RASSF8: variants seen among roughly 807,000 people sequenced by gnomAD.
RASSF8 encodes the protein ras association domain-containing protein 8.
In RASSF8, 22 loss-of-function variants were observed where a neutral mutation model predicts 48.5. That is an observed-to-expected ratio of 0.45 (90% CI 0.32 to 0.65). The LOEUF is 0.65. Among genes scored for constraint, RASSF8 ranks in the 30% least tolerant of loss-of-function variants. RASSF8 has a pLI of 0.03. For missense variants in RASSF8, 418 were observed against 489.2 expected (o/e 0.85, Z 1.37); for synonymous variants, 127 against 171.5 (o/e 0.74, Z 2.03).
Position 26,068,847 on chromosome 12 carries a change from A to G in RASSF8, c.*29A>G. The G allele has an allele frequency of 1.3e-6, 2 of 1,535,628 alleles. No individual in the cohort carries two copies. The highest frequency in any genetic ancestry group is 2.0e-5 in the Admixed American group (1 of 50,930). On this transcript the variant is annotated 3_prime_UTR_variant, in exon 6 of 6. Coordinates refer to ENST00000689635, the MANE Select transcript of RASSF8 (RefSeq NM_001394098.1). ...TATCTGTCTTTAGGGAGGAGACCCA[A>G]CAGAGGTACCAAGGACAGTAAACTT...
At chr12:26,058,331 A>T (rs1004811677) in intron 3 of RASSF8, among the ~76,000 whole-genome samples, 2 of 152,208 alleles carry the variant, frequency 1.3e-5, no homozygotes, top group Non-Finnish European at 2.9e-5. Context: ...TAATTAGAGA[A>T]AATTGCTGCT....
Position 26,056,837 on chromosome 12 carries a change from G to T in RASSF8, c.103+1391G>T, listed in dbSNP as rs149519925. Reference sequence around the variant, plus strand: ...AATTATTAAAGAGGAGAAAATTAAGGCATTTAATTTTTTCATATTCTTTCT... The same window carrying T: ...AATTATTAAAGAGGAGAAAATTAAGTCATTTAATTTTTTCATATTCTTTCT... On this transcript the variant is annotated intron_variant, in intron 3 of 5. Coordinates refer to ENST00000689635, the MANE Select transcript of RASSF8 (RefSeq NM_001394098.1). Among the ~76,000 whole-genome samples the T allele has an allele frequency of 7.2e-5, 11 of 152,176 alleles. No homozygotes were observed. In the East Asian group the frequency reaches 1.2e-3, roughly 16 times the overall value.
chr12:25,974,297 C>T (rs2048608), intron 1 of RASSF8, among the ~76,000 whole-genome samples: 9,821 of 151,958 alleles, frequency 0.065, 420 homozygotes, highest in Non-Finnish European at 0.09. Context: ...AGCCAATACG[C>T]GAGAAGTGCC....
At chr12:25,979,363 G>A (rs1233242009) in intron 1 of RASSF8, among the ~76,000 whole-genome samples, 2 of 152,112 alleles carry the variant, frequency 1.3e-5, no homozygotes, top group African/African-American at 4.8e-5. Flanking sequence ...GAGTTGGCCA[G>A]CAGTATCAAA....
intron 2 of RASSF8, among the ~76,000 whole-genome samples, chr12:26,049,060 CCTT>C (rs1943435267): frequency 6.6e-6 from 1 of 152,084 alleles, no homozygotes; most frequent in African/African-American, 2.4e-5. Flanking sequence ...GCCCAGCCCT[CCTT>C]CATCTTTTTT....
At chr12:25,989,137 C>G (rs1242816330) in intron 1 of RASSF8, among the ~76,000 whole-genome samples, 1 of 152,264 alleles carries the variant, frequency 6.6e-6, no homozygotes, top group East Asian at 1.9e-4. Flanking sequence ...AGGTTTCTTT[C>G]CCTCCCAACA....
At chr12:26,052,207 A>G (rs572220810) in intron 2 of RASSF8, among the ~76,000 whole-genome samples, 1 of 152,370 alleles carries the variant, frequency 6.6e-6, no homozygotes, top group South Asian at 2.1e-4. Flanking sequence ...GGTAGGTTTC[A>G]CAAATATGGA....
At chr12:26,044,412 T>G (rs1263594850) in intron 2 of RASSF8, among the ~76,000 whole-genome samples, 1 of 152,112 alleles carries the variant, frequency 6.6e-6, no homozygotes, top group Non-Finnish European at 1.5e-5. Context: ...AAAACTAGGG[T>G]TTTTCCCTCC....
intron 2 of RASSF8, among the ~76,000 whole-genome samples, chr12:26,015,525 T>C (rs998271282): frequency 6.6e-6 from 1 of 152,174 alleles, no homozygotes; most frequent in African/African-American, 2.4e-5. Context: ...AGCAAAGAGA[T>C]TGAGGTGAAA....
At chr12:25,967,592 C>T (rs145606423) in intron 1 of RASSF8, among the ~76,000 whole-genome samples, 22 of 152,206 alleles carry the variant, frequency 1.4e-4, no homozygotes, top group African/African-American at 4.8e-4. Context: ...TGAGCCTTAT[C>T]GAGCCTCAAG....
chr12:26,023,659 A>T (rs1025863092), intron 2 of RASSF8, among the ~76,000 whole-genome samples: 2 of 152,052 alleles, frequency 1.3e-5, no homozygotes, highest in African/African-American at 4.8e-5. Flanking sequence ...AATCCGCATT[A>T]AAAACAAAAA....
chr12:25,978,121 C>T (rs1414667121), intron 1 of RASSF8, among the ~76,000 whole-genome samples: 4 of 152,106 alleles, frequency 2.6e-5, no homozygotes, highest in Non-Finnish European at 5.9e-5. Context: ...TCAGTCCTGT[C>T]GTGGAAACAA....
At chr12:26,057,383 T>C (rs977724417) in intron 3 of RASSF8, among the ~76,000 whole-genome samples, 9 of 152,186 alleles carry the variant, frequency 5.9e-5, no homozygotes, top group Non-Finnish European at 7.3e-5. Context: ...TGGTGTTTGG[T>C]TTTCTGTCCT....
chr12:25,999,783 A>G (rs1221151514), intron 2 of RASSF8, among the ~76,000 whole-genome samples: 1 of 152,220 alleles, frequency 6.6e-6, no homozygotes, highest in East Asian at 1.9e-4. Context: ...TGTAAATATC[A>G]TGATCTTTTG....
At chr12:26,009,394 T>C (rs1768733157) in intron 2 of RASSF8, among the ~76,000 whole-genome samples, 1 of 152,164 alleles carries the variant, frequency 6.6e-6, no homozygotes, top group South Asian at 2.1e-4. Context: ...TGAGGGAATT[T>C]TTGGTTGTCA....
chr12:26,040,418 G>T (rs1250202924), intron 2 of RASSF8, among the ~76,000 whole-genome samples: 4 of 152,304 alleles, frequency 2.6e-5, no homozygotes, highest in Admixed American at 2.6e-4. Context: ...TGGCCGAGGG[G>T]AGTGGTGAAG....
intron 1 of RASSF8, among the ~76,000 whole-genome samples, chr12:25,988,949 A>C (rs1941952031): frequency 6.6e-6 from 1 of 152,178 alleles, no homozygotes; most frequent in Admixed American, 6.5e-5. Context: ...TTAACTTAAA[A>C]ACTAGTTAGC....
intron 1 of RASSF8, among the ~76,000 whole-genome samples, chr12:25,982,762 A>G (rs972887141): frequency 3.3e-5 from 5 of 152,200 alleles, no homozygotes; most frequent in South Asian, 2.1e-4. Context: ...ACCCCTAAAG[A>G]CTACTTTCAT....
At chr12:25,984,029 A>T (rs902940668) in intron 1 of RASSF8, among the ~76,000 whole-genome samples, 1 of 152,136 alleles carries the variant, frequency 6.6e-6, no homozygotes, top group African/African-American at 2.4e-5. Flanking sequence ...CACAAAACTG[A>T]AGTAGTACAT....
Sources: allele counts gnomAD v4.1 joint callset (sites outside exome capture counted in the v4.1 genomes callset), GRCh38; gene constraint gnomAD v4.1.1; transcripts MANE v1.5; gene names NCBI Gene and HGNC (gene_info 2026-07-23, HGNC 2026-07-21).